Variants in ZNF391 observed in about 807,000 individuals in gnomAD.
ZNF391 encodes the protein zinc finger protein 391.
For missense variants in ZNF391, 375 were observed against 425.5 expected (o/e 0.88, Z 1.04); for synonymous variants, 126 against 142.1 (o/e 0.89, Z 0.80).
intron 1 of ZNF391, among the ~76,000 whole-genome samples, chr6:27,381,117 G>T (rs1038016415): frequency 6.6e-6 from 1 of 152,228 alleles, no homozygotes; most frequent in African/African-American, 2.4e-5. Flanking sequence ...TGGAGCAGGG[G>T]GCGGCGCTCA....
At chr6:27,385,594 A>C (rs763778223), upstream of ZNF391, among the ~76,000 whole-genome samples, 1 of 152,218 alleles carries the variant, frequency 6.6e-6, no homozygotes, top group Non-Finnish European at 1.5e-5. Flanking sequence ...CATAATCCTT[A>C]ATATGTATGC....
intron 1 of ZNF391, among the ~76,000 whole-genome samples, chr6:27,392,986 C>CTG (rs3999102): frequency 0.72 from 108,884 of 151,916 alleles, 39,178 homozygotes; most frequent in Middle Eastern, 0.82. Context: ...TTTCTGGAGA[C>CTG]TACTTCCAAG....
At chr6:27,394,098 G>A (rs1761771896) in intron 1 of ZNF391, among the ~76,000 whole-genome samples, 1 of 152,202 alleles carries the variant, frequency 6.6e-6, no homozygotes, top group Non-Finnish European at 1.5e-5. Flanking sequence ...TTTCAGCAGA[G>A]AAATTCAAGC....
At chr6:27,395,345 G>C (rs1334980904) in intron 1 of ZNF391, among the ~76,000 whole-genome samples, 2 of 151,550 alleles carry the variant, frequency 1.3e-5, no homozygotes, top group African/African-American at 4.9e-5. Flanking sequence ...CATGAGATCT[G>C]TTGTGTAAAA....
chr6:27,396,691 C>T (rs1245854529), intron 1 of ZNF391, among the ~76,000 whole-genome samples: 1 of 152,076 alleles, frequency 6.6e-6, no homozygotes, highest in Admixed American at 6.5e-5. Context: ...TGTACCGCTG[C>T]ACTCCAGCCT....
upstream of ZNF391, among the ~76,000 whole-genome samples, chr6:27,385,676 C>T (rs968837199): frequency 9.9e-5 from 15 of 152,140 alleles, no homozygotes; most frequent in African/African-American, 3.6e-4. Context: ...GATGCATCTA[C>T]TATCACAGAA....
rs182509236 is a variant in ZNF391 at position 27,388,988 on chromosome 6, C to G, written c.-275C>G. 2 of 456,520 alleles carry G rather than the reference C, an allele frequency of 4.4e-6. No individual in the cohort carries two copies. Among genetic ancestry groups the G allele is most frequent in the Admixed American group, 4.7e-5 (2 of 42,508 alleles). The allele number at this position is 456,520 out of a possible 1,614,324, so 28.3% of individuals were successfully genotyped here. ...CCAAGCCCAGCGCACTCAGGTTCCG[C>G]TCCAAGTGCGGGACCCGCCCGGGGT... On this transcript the variant is annotated 5_prime_UTR_variant, in exon 1 of 3. Coordinates refer to ENST00000244576, the MANE Select transcript of ZNF391 (RefSeq NM_001076781.3).
chr6:27,392,650 T>C (rs1761739947), intron 1 of ZNF391, among the ~76,000 whole-genome samples: 1 of 152,214 alleles, frequency 6.6e-6, no homozygotes, highest in African/African-American at 2.4e-5. Flanking sequence ...TCTATACCCC[T>C]ACAGCACTCT....
intron 1 of ZNF391, among the ~76,000 whole-genome samples, chr6:27,380,401 T>G (rs1761479656): frequency 6.6e-6 from 1 of 151,320 alleles, no homozygotes; most frequent in South Asian, 2.1e-4. Context: ...TCTAGAGTTG[T>G]TCGTTTCTCC....
At chr6:27,395,948 G>A (rs189392642) in intron 1 of ZNF391, among the ~76,000 whole-genome samples, 162 of 152,192 alleles carry the variant, frequency 1.1e-3, no homozygotes, top group African/African-American at 3.7e-3. Flanking sequence ...ATGGCAGTAT[G>A]GGTATTCTCA....
chr6:27,401,256 C>T lies in ZNF391; in HGVS notation c.886C>T (p.Gln296Ter). The change falls in exon 3 of 3, where the codon CAG (glutamine) becomes TAG (stop). Residue 296 changes from glutamine (Q) to a stop codon, truncating the protein, a stop_gained. Coordinates refer to ENST00000244576, the MANE Select transcript of ZNF391 (RefSeq NM_001076781.3). LOFTEE classifies it low-confidence loss of function (END_TRUNC). ...FSRSSSLTEHQRIHSGEKPHE... is the reference protein window; with the variant it reads ...FSRSSSLTEH The stretch of plus-strand genomic sequence containing the variant: ...TCGAAGCTCGTCTCTTACAGAACAT[C>T]AGAGAATCCACAGTGGAGAAAAGCC... 2 of 1,614,130 alleles carry T rather than the reference C, an allele frequency of 1.2e-6. No homozygotes were observed. Among genetic ancestry groups the T allele is most frequent in the Non-Finnish European group, 1.7e-6 (2 of 1,180,024 alleles).
chr6:27,384,060 C>G (rs141909321), upstream of ZNF391, among the ~76,000 whole-genome samples: 897 of 152,160 alleles, frequency 5.9e-3, 7 homozygotes, highest in Middle Eastern at 0.02. Flanking sequence ...CTCAGAGAAA[C>G]AAAAGTTTAA....
Position 27,401,326 on chromosome 6 carries a change from C to G in ZNF391, c.956C>G (p.Ser319Cys). The G allele has an allele frequency of 6.2e-7, 1 of 1,613,994 alleles. No homozygotes were observed. The highest frequency in any genetic ancestry group is 1.1e-5 in the South Asian group (1 of 91,062). ...VCGKGFSRSS[S>C]LIIHQRTHTG... is the part of the protein sequence containing the mutation. Reference sequence around the variant, plus strand: ...GGAAAGGGCTTCAGTCGAAGCTCATCCCTTATTATTCATCAGAGAACTCAT... The same window carrying G: ...GGAAAGGGCTTCAGTCGAAGCTCATGCCTTATTATTCATCAGAGAACTCAT... Residue 319 changes from serine to cysteine, a missense_variant, in exon 3 of 3, where the codon TCC becomes TGC. By Grantham distance (112) the Ser-to-Cys change is moderately radical (BLOSUM62 -1). Coordinates refer to ENST00000244576, the MANE Select transcript of ZNF391 (RefSeq NM_001076781.3).
At chr6:27,387,164 T>G (rs6934985), upstream of ZNF391, among the ~76,000 whole-genome samples, 106,976 of 151,888 alleles carry the variant, frequency 0.7, 37,922 homozygotes, top group Middle Eastern at 0.8. Flanking sequence ...ATACCCATTA[T>G]GATGGTTATA....
intron 1 of ZNF391, among the ~76,000 whole-genome samples, chr6:27,390,599 C>A (rs1761682910): frequency 6.6e-6 from 1 of 152,186 alleles, no homozygotes. Flanking sequence ...GCTAGACTTC[C>A]TTTTCCCATC....
At chr6:27,381,053 G>A (rs530157991) in intron 1 of ZNF391, among the ~76,000 whole-genome samples, 16 of 152,258 alleles carry the variant, frequency 1.1e-4, no homozygotes, top group African/African-American at 3.1e-4. Context: ...TGCCAGTCCC[G>A]CGCCGTGCGC....
intron 1 of ZNF391, chr6:27,395,081 T>G: frequency 6.6e-6 from 1 of 152,182 alleles, no homozygotes; most frequent in East Asian, 1.9e-4. Context: ...ACTTTTGAGT[T>G]AATGCCAGAA....
chr6:27,384,978 T>C (rs9468100), upstream of ZNF391, among the ~76,000 whole-genome samples: 105,635 of 149,748 alleles, frequency 0.71, 37,427 homozygotes, highest in Middle Eastern at 0.8. Flanking sequence ...ATCGCGCCAC[T>C]GCACTCCAAC....
chr6:27,388,150 C>T (rs560740455), upstream of ZNF391, among the ~76,000 whole-genome samples: 8 of 152,166 alleles, frequency 5.3e-5, no homozygotes, highest in South Asian at 2.1e-4. Context: ...AGTCAAACCA[C>T]TCCAGTGTCC....
Sources: gnomAD v4.1 joint callset for allele counts (sites outside exome capture counted in the v4.1 genomes callset) on GRCh38, gnomAD v4.1.1 for gene constraint, MANE v1.5 for transcripts, NCBI Gene and HGNC (gene_info 2026-07-23, HGNC 2026-07-21) for gene names.